Variants in FBXO25 observed in about 807,000 individuals in gnomAD.
FBXO25 encodes F-box protein 25, also known as F-box only protein 25.
Under a neutral mutation model 51.9 loss-of-function variants are expected in FBXO25, and 45 were observed. That is an observed-to-expected ratio of 0.87 (90% CI 0.68 to 1.11). The LOEUF (loss-of-function observed/expected upper bound fraction) is 1.11. Ranked by LOEUF, FBXO25 falls within the 50% of genes most tolerant of loss-of-function variation. The pLI, the probability that FBXO25 is intolerant of heterozygous loss-of-function variation, is 0.00. For synonymous variants in FBXO25, 199 were observed against 151.0 expected (o/e 1.32, Z -2.33); for missense variants, 507 against 428.5 (o/e 1.18, Z -1.62).
At chr8:435,812 G>T in intron 5 of FBXO25, 105 bp downstream of exon 5, 1 of 1,484,322 alleles carries the variant, frequency 6.7e-7, no homozygotes, top group Non-Finnish European at 9.0e-7. Context: ...GCTTGAAGGT[G>T]TGCCTGTTTG....
At chr8:454,119 C>T (rs1012341905) in intron 7 of FBXO25, among the ~76,000 whole-genome samples, 9 of 151,798 alleles carry the variant, frequency 5.9e-5, no homozygotes, top group Non-Finnish European at 4.4e-5. Flanking sequence ...AGTGAAACTC[C>T]GTCTCAAAAA....
At chr8:449,009 T>TA (rs1305038690) in intron 5 of FBXO25, among the ~76,000 whole-genome samples, 2 of 152,158 alleles carry the variant, frequency 1.3e-5, no homozygotes, top group African/African-American at 4.8e-5. Flanking sequence ...AAACATGTCA[T>TA]AAAATTAAGA....
At chr8:449,849 A>G (rs554754742) in intron 5 of FBXO25, 141 bp from the exon 6 acceptor site, 35 of 633,216 alleles carry the variant, frequency 5.5e-5, no homozygotes, top group Middle Eastern at 8.7e-4. Context: ...ACTGTTTCCT[A>G]TACTTGGACT....
At chr8:450,980 C>T (rs1799047123) in intron 6 of FBXO25, 2 of 241,280 alleles carry the variant, frequency 8.3e-6, no homozygotes, top group Non-Finnish European at 1.6e-5. Context: ...AGTTTGACTA[C>T]TCATGTAAGT....
chr8:438,710 T>C lies in FBXO25; in HGVS notation c.381+3003T>C, dbSNP rs150281834. Among the ~76,000 whole-genome samples the C allele has an allele frequency of 4.4e-3, 672 of 152,342 alleles. 2 individuals carry two copies. The highest frequency in any genetic ancestry group is 6.1e-3 in the Non-Finnish European group (417 of 68,030). On this transcript the variant is annotated intron_variant, in intron 5 of 9. Coordinates refer to ENST00000350302, the MANE Select transcript of FBXO25 (RefSeq NM_183420.2). ...CCTCCTGTGTGCAGATCAACGTACC[T>C]TGGCTTTTCTAACTTTCAAGAAACT...
At chr8:414,894 T>C (rs1796703098) in intron 2 of FBXO25, among the ~76,000 whole-genome samples, 1 of 152,232 alleles carries the variant, frequency 6.6e-6, no homozygotes, top group Non-Finnish European at 1.5e-5. Flanking sequence ...CTCTGCCATT[T>C]CGTTCATCTT....
intron 1 of FBXO25, among the ~76,000 whole-genome samples, chr8:408,804 T>G (rs867878342): frequency 6.6e-6 from 1 of 152,170 alleles, no homozygotes; most frequent in African/African-American, 2.4e-5. Context: ...AGATTTTAAA[T>G]AGTTAATCAT....
At chr8:458,226 T>G in intron 7 of FBXO25, 143 bp from the exon 8 acceptor site, 1 of 900,602 alleles carries the variant, frequency 1.1e-6, no homozygotes, top group South Asian at 1.7e-5. Context: ...TGCAGGCCCC[T>G]TGACACCTTG....
intron 5 of FBXO25, 41 bp from the exon 6 acceptor site, chr8:449,949 A>AAT: frequency 3.0e-6 from 4 of 1,344,932 alleles, no homozygotes; most frequent in Non-Finnish European, 3.2e-6. Flanking sequence ...TTCCATATTA[A>AAT]ATATATATAT....
rs1800485006 is a variant in FBXO25 at position 471,566 on chromosome 8, CT to C, written c.*2763del. On this transcript the variant is annotated 3_prime_UTR_variant, in exon 10 of 10. Transcript: ENST00000350302. ...AGTAAGTTTCACTTGCCCATCGCTC[CT>C]GTGAAAGGCAATGCCAGACACTCTC... 6.6e-6 allele frequency: 1 copy of C among 152,176 alleles called. No homozygotes were observed. The highest frequency in any genetic ancestry group is 6.5e-5 in the Admixed American group (1 of 15,274). The allele number at this position is 152,176 out of a possible 1,614,324, so 9.4% of individuals were successfully genotyped here.
intron 5 of FBXO25, among the ~76,000 whole-genome samples, chr8:443,474 C>CT (rs1798551164): frequency 6.6e-6 from 1 of 151,798 alleles, no homozygotes; most frequent in Non-Finnish European, 1.5e-5. Context: ...AGCAGACGTT[C>CT]TTTCTGCCAG....
At position 458,385 on chromosome 8, in the gene FBXO25, T is replaced by C. The variant is rs1799591446; in HGVS notation, c.677T>C (p.Leu226Pro). ...TCCTTTCAGCAAGTGAACAATGGCC[T>C]CACCCTCAGTGACCTTCCTCTGCAC... ...LQMTKQVNNG[L>P]TLSDLPLHML... The change falls in exon 8 of 10, where the codon CTC becomes CCC. Residue 226 changes from leucine (L) to proline (P), a missense_variant. By Grantham distance (98) the Leu-to-Pro change is moderately conservative (BLOSUM62 -3). Transcript: ENST00000350302. 1 of 1,613,728 alleles carries C rather than the reference T, an allele frequency of 6.2e-7. No homozygotes were observed. Among genetic ancestry groups the C allele is most frequent in the East Asian group, 2.2e-5 (1 of 44,880 alleles).
At chr8:464,263 A>G (rs563070217) in intron 9 of FBXO25, among the ~76,000 whole-genome samples, 1 of 152,174 alleles carries the variant, frequency 6.6e-6, no homozygotes, top group South Asian at 2.1e-4. Flanking sequence ...GCAATTATCC[A>G]CTTTTTTCTT....
intron 9 of FBXO25, among the ~76,000 whole-genome samples, chr8:464,059 T>A (rs183759785): frequency 6.6e-6 from 1 of 152,292 alleles, no homozygotes; most frequent in East Asian, 1.9e-4. Flanking sequence ...AGCCCCGACT[T>A]CTGGGCTCAA....
intron 4 of FBXO25, among the ~76,000 whole-genome samples, chr8:434,227 G>C (rs1404024640): frequency 6.6e-6 from 1 of 152,112 alleles, no homozygotes; most frequent in Non-Finnish European, 1.5e-5. Flanking sequence ...ATGCTGGCTG[G>C]TGTCTCACCG....
Position 435,700 on chromosome 8 carries a change from T to G in FBXO25, c.374T>G (p.Val125Gly). 6.3e-7 allele frequency: 1 copy of G among 1,582,122 alleles called. No individual in the cohort carries two copies. The highest frequency in any genetic ancestry group is 8.6e-7 in the Non-Finnish European group (1 of 1,167,724). The change falls in exon 5 of 10, where the codon GTG (valine) becomes GGG (glycine). Residue 125 changes from valine to glycine, a missense_variant. By Grantham distance (109) the Val-to-Gly change is moderately radical. Transcript: ENST00000350302. ...AIQDIRRFNY[V>G]VKLLQLIAKS... Reference sequence around the variant, plus strand: ...CAAGATATCCGAAGGTTCAATTATGTGGTCAAAGTAAGTGTTCTATTTCAA... The same window carrying G: ...CAAGATATCCGAAGGTTCAATTATGGGGTCAAAGTAAGTGTTCTATTTCAA...
chr8:448,480 A>G (rs1798872671), intron 5 of FBXO25, among the ~76,000 whole-genome samples: 1 of 152,242 alleles, frequency 6.6e-6, no homozygotes, highest in South Asian at 2.1e-4. Context: ...AGGATGGCCC[A>G]TGAATTTTAT....
At chr8:422,527 T>C (rs2117519598) in intron 2 of FBXO25, among the ~76,000 whole-genome samples, 1 of 152,246 alleles carries the variant, frequency 6.6e-6, no homozygotes, top group East Asian at 1.9e-4. Context: ...ACAAAGCCTG[T>C]GGTTGAGCTG....
chr8:463,455 C>T (rs980915582), intron 9 of FBXO25, among the ~76,000 whole-genome samples: 2 of 152,190 alleles, frequency 1.3e-5, no homozygotes, highest in Non-Finnish European at 2.9e-5. Flanking sequence ...CCTGCTGGCC[C>T]CCAGCCTGAG....
Sources: allele counts gnomAD v4.1 joint callset (sites outside exome capture counted in the v4.1 genomes callset), GRCh38; gene constraint gnomAD v4.1.1; transcripts MANE v1.5; gene names NCBI Gene and HGNC (gene_info 2026-07-23, HGNC 2026-07-21).